Variants in ZNF527 observed in about 807,000 individuals in gnomAD.
The protein encoded by ZNF527 is zinc finger protein 527.
Under a neutral mutation model 13.5 loss-of-function variants are expected in ZNF527, and 5 were observed. The observed-to-expected ratio is 0.37, with a 90% CI of 0.19 to 0.78. The LOEUF (loss-of-function observed/expected upper bound fraction) is 0.78, where lower values mean the gene tolerates loss of function less well. Among genes scored for constraint, ZNF527 ranks in the 30% least tolerant of loss-of-function variants. The pLI, the probability that ZNF527 is intolerant of heterozygous loss-of-function variation, is 0.48. For synonymous variants in ZNF527, 209 were observed against 243.1 expected (o/e 0.86, Z 1.30); for missense variants, 628 against 726.4 (o/e 0.86, Z 1.56).
intron 1 of ZNF527, among the ~76,000 whole-genome samples, chr19:37,373,201 GTCTC>G (rs1333298349): frequency 1.3e-5 from 2 of 152,208 alleles, no homozygotes; most frequent in African/African-American, 2.4e-5. Flanking sequence ...ATGTGTGACA[GTCTC>G]TCTATCTTTG....
At position 37,379,382 on chromosome 19, in the gene ZNF527, G is replaced by A. The variant is rs952536147; in HGVS notation, c.160+136G>A. ...TTTCTACTTCCTGTTCCCAGGAAAT[G>A]ATTTGAAATATATATTTGCTTAAAT... On this transcript the variant is annotated intron_variant, in intron 3 of 4. Coordinates refer to ENST00000436120, the MANE Select transcript of ZNF527 (RefSeq NM_032453.2). The A allele has an allele frequency of 5.5e-6, 4 of 730,136 alleles. No homozygotes were observed. The South Asian group carries it at 1.1e-4, about 20-fold the overall frequency. 45.2% of individuals were successfully genotyped at this position (730,136 alleles called of 1,614,324 possible). A position where few individuals can be genotyped will look rare whatever the true frequency, so the allele number is the denominator to read the frequency against.
At chr19:37,386,055 T>A (rs935293561) in intron 4 of ZNF527, among the ~76,000 whole-genome samples, 3 of 151,966 alleles carry the variant, frequency 2.0e-5, no homozygotes, top group African/African-American at 7.2e-5. Flanking sequence ...TTCTGTTGTT[T>A]CCTCGTTTAC....
chr19:37,375,302 C>CTT (rs368774863), intron 2 of ZNF527, among the ~76,000 whole-genome samples: 1 of 104,534 alleles, frequency 9.6e-6, no homozygotes, highest in Non-Finnish European at 1.9e-5. Flanking sequence ...TTCTTTCTTT[C>CTT]TTTCTTTCTT....
intron 3 of ZNF527, among the ~76,000 whole-genome samples, chr19:37,379,869 T>A (rs1487349231): frequency 6.6e-6 from 1 of 152,160 alleles, no homozygotes; most frequent in Non-Finnish European, 1.5e-5. Flanking sequence ...AAATGCAAAT[T>A]ATGAGGCCCC....
chr19:37,374,982 G>A (rs2040587108), intron 2 of ZNF527, among the ~76,000 whole-genome samples: 1 of 152,172 alleles, frequency 6.6e-6, no homozygotes, highest in South Asian at 2.1e-4. Flanking sequence ...GGTATAGACT[G>A]GAGATAGAAA....
chr19:37,381,494 T>C (rs2040653672), intron 4 of ZNF527, among the ~76,000 whole-genome samples: 1 of 152,226 alleles, frequency 6.6e-6, no homozygotes, highest in Non-Finnish European at 1.5e-5. Flanking sequence ...AGAAATAATG[T>C]TGTATCTCTC....
intron 4 of ZNF527, chr19:37,385,400 AT>A (rs1437883287): frequency 3.0e-5 from 12 of 398,554 alleles, no homozygotes; most frequent in East Asian, 2.9e-4. Context: ...TTCTCTTGAT[AT>A]TTTTTTCATG....
chr19:37,371,441 CTG>C (rs1334863602), intron 1 of ZNF527, among the ~76,000 whole-genome samples: 2 of 152,146 alleles, frequency 1.3e-5, no homozygotes, highest in Non-Finnish European at 2.9e-5. Flanking sequence ...TTGTGTGTGA[CTG>C]TAACCATCTG....
intron 4 of ZNF527, among the ~76,000 whole-genome samples, 197 bp downstream of exon 4, chr19:37,380,569 C>G (rs927784911): frequency 6.6e-6 from 1 of 152,090 alleles, no homozygotes; most frequent in African/African-American, 2.4e-5. Context: ...CCACCTATAC[C>G]TTGAATCTCA....
intron 2 of ZNF527, among the ~76,000 whole-genome samples, chr19:37,375,199 G>T (rs1362112527): frequency 1.3e-5 from 2 of 151,828 alleles, no homozygotes; most frequent in South Asian, 4.1e-4. Flanking sequence ...TTATACATCT[G>T]GAGTTCAGGA....
chr19:37,372,871 G>A (rs1314420200), intron 1 of ZNF527, among the ~76,000 whole-genome samples: 3 of 152,100 alleles, frequency 2.0e-5, no homozygotes, highest in Admixed American at 1.3e-4. Flanking sequence ...AAAATTTGGC[G>A]ATGTTTCCCT....
At chr19:37,380,127 G>A (rs1225004271) in intron 3 of ZNF527, 150 bp from the exon 4 acceptor site, 9 of 1,393,094 alleles carry the variant, frequency 6.5e-6, no homozygotes, top group South Asian at 4.6e-5. Context: ...CCATACAAGC[G>A]TCATTCCATT....
chr19:37,386,537 T>C (rs2040701182), intron 4 of ZNF527, among the ~76,000 whole-genome samples: 1 of 152,218 alleles, frequency 6.6e-6, no homozygotes, highest in Admixed American at 6.5e-5. Flanking sequence ...GCATAAAATG[T>C]GGCTAGTGTG....
rs1290964980 is a variant in ZNF527, at chr19:37,392,022, CTAA to C, written c.*2147_*2149del. On this transcript the variant is annotated 3_prime_UTR_variant, in exon 5 of 5. Transcript: ENST00000436120. ...TGAAATATTCAACTTATACTTATTTCTAATAAAATCTGAAAATTATTTTTCATA... is the reference window on the plus strand; with the variant it reads ...TGAAATATTCAACTTATACTTATTTCTAAAATCTGAAAATTATTTTTCATA... The C allele has an allele frequency of 6.6e-6, 1 of 152,144 alleles. No individual in the cohort carries two copies. Among genetic ancestry groups the C allele is most frequent in the African/African-American group, 2.4e-5 (1 of 41,434 alleles). 9.4% of individuals were successfully genotyped at this position (152,144 alleles called of 1,614,324 possible).
intron 2 of ZNF527, 47 bp from the exon 3 acceptor site, chr19:37,379,073 C>T (rs1339354415): frequency 3.1e-6 from 5 of 1,612,244 alleles, no homozygotes; most frequent in Non-Finnish European, 4.2e-6. Flanking sequence ...TTGCTAGGAC[C>T]ATATAGGTGT....
At position 37,388,287 on chromosome 19, in the gene ZNF527, C is replaced by T; in HGVS notation, c.257-19C>T. 1 of 1,601,394 alleles carries T rather than the reference C, an allele frequency of 6.2e-7. No homozygotes were observed. Among genetic ancestry groups the T allele is most frequent in the Non-Finnish European group, 8.5e-7 (1 of 1,173,430 alleles). ...AGCAAAAGAACAAAGGAGACATTTG[C>T]TTTCTTGATATTTTTCAGACTGGGA... On this transcript the variant is annotated intron_variant, in intron 4 of 4. Transcript: ENST00000436120.
chr19:37,382,561 T>A (rs956018913), intron 4 of ZNF527, among the ~76,000 whole-genome samples: 4 of 152,222 alleles, frequency 2.6e-5, no homozygotes, highest in Admixed American at 2.6e-4. Flanking sequence ...CATAAAGTAG[T>A]TTCAGAATTT....
In ZNF527 at chr19:37,388,834, C is replaced by T. The variant is rs149772192; in HGVS notation, c.785C>T (p.Thr262Ile). The T allele has an allele frequency of 6.2e-7, 1 of 1,613,922 alleles. No individual in the cohort carries two copies. The highest frequency in any genetic ancestry group is 2.2e-5 in the East Asian group (1 of 44,878). The change falls in exon 5 of 5, where the codon ACT (threonine) becomes ATT (isoleucine). Residue 262 changes from threonine (T) to isoleucine (I), a missense_variant. By Grantham distance (89) the Thr-to-Ile change is moderately conservative. Around this residue, in one of 3 missense-constraint regions of ZNF527, gnomAD observed 592 missense variants for 678.0 expected, o/e 0.87. Transcript: ENST00000436120. ...SKLLSFHSLF[T>I]QHQTTHFGKL... is the part of the protein sequence containing the mutation. ...CTCTTAAGTTTCCACTCATTATTTA[C>T]TCAACATCAGACCACTCATTTTGGA...
At position 37,389,457 on chromosome 19, in the gene ZNF527, T is replaced by C; in HGVS notation, c.1408T>C (p.Tyr470His). 1.2e-6 allele frequency: 2 copies of C among 1,614,164 alleles called. No individual in the cohort carries two copies. The highest frequency in any genetic ancestry group is 1.1e-5 in the South Asian group (1 of 91,084). The change falls in exon 5 of 5, where the codon TAT becomes CAT. Residue 470 changes from tyrosine (Y) to histidine (H), a missense_variant. Tyr to His is a moderately conservative substitution (Grantham distance 83). This residue lies in a region of ZNF527 where 592 missense variants were observed against 678.0 expected (regional missense o/e 0.87). Coordinates refer to ENST00000436120, the MANE Select transcript of ZNF527 (RefSeq NM_032453.2). Reference sequence around the variant, plus strand: ...GAGAATTCATACCGGAGAAAAGCCCTATGAATGCATCAAATGTGGGAAGTT... The same window carrying C: ...GAGAATTCATACCGGAGAAAAGCCCCATGAATGCATCAAATGTGGGAAGTT... Reference protein sequence around the residue: ...HQRIHTGEKPYECIKCGKFFR... With the variant: ...HQRIHTGEKPHECIKCGKFFR...
Sources: gnomAD v4.1 joint callset for allele counts (sites outside exome capture counted in the v4.1 genomes callset) on GRCh38, gnomAD v4.1.1 for gene constraint, gnomAD v4.1.1 regional missense constraint, MANE v1.5 for transcripts, NCBI Gene and HGNC (gene_info 2026-07-23, HGNC 2026-07-21) for gene names.